The following CNTNAP2 variants were observed in gnomAD, a reference collection of about 807,000 sequenced individuals.
The protein encoded by CNTNAP2 is contactin associated protein 2, also known as contactin-associated protein-like 2.
A neutral mutation model predicts 155.2 loss-of-function variants in CNTNAP2; 98 were observed. The observed-to-expected ratio is 0.63, with a 90% CI of 0.54 to 0.75. The LOEUF (loss-of-function observed/expected upper bound fraction) is 0.75. Among genes scored for constraint, CNTNAP2 ranks in the 30% least tolerant of loss-of-function variants. The probability of loss-of-function intolerance (pLI) is 0.00; values close to 1 mark genes in which losing one functional copy is unlikely to be tolerated. For missense variants in CNTNAP2, 1,727 were observed against 1,688.1 expected, an observed-to-expected ratio of 1.02 and a Z score of -0.40; for synonymous variants, 651 against 631.2, an observed-to-expected ratio of 1.03 and a Z score of -0.47.
chr7:147,797,176 C>G (rs1797910683), intron 13 of CNTNAP2, among the ~76,000 whole-genome samples: 1 of 152,110 alleles, frequency 6.6e-6, no homozygotes, highest in Non-Finnish European at 1.5e-5. Flanking sequence ...GAGGGAACAT[C>G]AGTGTCCCCC....
At chr7:147,454,490 C>A (rs11972784) in intron 10 of CNTNAP2, among the ~76,000 whole-genome samples, 17 of 151,998 alleles carry the variant, frequency 1.1e-4, no homozygotes, top group Admixed American at 9.2e-4. Flanking sequence ...TTATATTTGA[C>A]CAAAATCACA....
In CNTNAP2 at chr7:147,292,959, G is replaced by A. The variant is rs536908988; in HGVS notation, c.1349-7182G>A. Among the ~76,000 whole-genome samples the A allele has an allele frequency of 5.9e-5, 9 of 152,130 alleles. No homozygotes were observed. The South Asian group carries it at 1.7e-3, about 28-fold the overall frequency. On this transcript the variant is annotated intron_variant, in intron 8 of 23. Transcript: ENST00000361727. ...AATTTTGTATTTTTAGTAGAGACGG[G>A]GTTTCACCATGTTGGTCAGGCTGGT... is the stretch of plus-strand genomic sequence containing the variant.
chr7:148,080,546 A>G (rs959803938), intron 15 of CNTNAP2, among the ~76,000 whole-genome samples: 17 of 150,224 alleles, frequency 1.1e-4, no homozygotes, highest in Non-Finnish European at 1.6e-4. Context: ...CAGAGCTTGC[A>G]GCGAGCCGAG....
intron 2 of CNTNAP2, among the ~76,000 whole-genome samples, chr7:146,823,326 C>A (rs1224218905): frequency 1.8e-3 from 270 of 147,380 alleles, no homozygotes; most frequent in East Asian, 0.011. Context: ...TATACTCATT[C>A]TTCAGTATAT....
chr7:147,671,117 G>C (rs1379268631), intron 13 of CNTNAP2, among the ~76,000 whole-genome samples: 2 of 152,212 alleles, frequency 1.3e-5, no homozygotes, highest in African/African-American at 4.8e-5. Flanking sequence ...CGAGTGAGTG[G>C]AGCTGGCTCC....
At chr7:147,825,774 GGA>G (rs976788184) in intron 13 of CNTNAP2, among the ~76,000 whole-genome samples, 16 of 152,258 alleles carry the variant, frequency 1.1e-4, no homozygotes, top group African/African-American at 3.8e-4. Flanking sequence ...AACAAAGAGT[GGA>G]GAGAGAGAAG....
At chr7:147,978,157 TC>T in intron 15 of CNTNAP2, 168 bp downstream of exon 15, 1 of 909,606 alleles carries the variant, frequency 1.1e-6, no homozygotes, top group Non-Finnish European at 1.7e-6. Context: ...CCATAAAGCC[TC>T]CAGTACAGGA....
intron 8 of CNTNAP2, among the ~76,000 whole-genome samples, chr7:147,235,184 T>C (rs1803770446): frequency 6.6e-6 from 1 of 152,032 alleles, no homozygotes; most frequent in Admixed American, 6.6e-5. Context: ...ACTTAGACAT[T>C]GTTTTTTTTT....
At position 146,788,671 on chromosome 7, in the gene CNTNAP2, GT is replaced by G. The variant is rs796501136; in HGVS notation, c.208+14299del. On this transcript the variant is annotated intron_variant, in intron 2 of 23. Coordinates refer to ENST00000361727, the MANE Select transcript of CNTNAP2 (RefSeq NM_014141.6). Reference sequence around the variant, plus strand: ...ATAAGCACTTCTCATTGGTCTTCAGGTTTTTTTTTAATTAGATAGATCAGTC... The same window carrying G: ...ATAAGCACTTCTCATTGGTCTTCAGGTTTTTTTTAATTAGATAGATCAGTC... Among the ~76,000 whole-genome samples, 444 of 151,364 alleles carry G rather than the reference GT, an allele frequency of 2.9e-3. 5 individuals carry two copies. The highest frequency in any genetic ancestry group is 9.9e-3 in the African/African-American group (408 of 41,258).
intron 3 of CNTNAP2, among the ~76,000 whole-genome samples, chr7:147,040,407 G>A (rs1799237105): frequency 6.6e-6 from 1 of 151,702 alleles, no homozygotes; most frequent in South Asian, 2.1e-4. Context: ...CCTGGTGGTA[G>A]GGAGTAGTGT....
At chr7:147,086,044 A>G (rs958781752) in intron 4 of CNTNAP2, among the ~76,000 whole-genome samples, 2 of 152,252 alleles carry the variant, frequency 1.3e-5, no homozygotes, top group African/African-American at 4.8e-5. Context: ...GCATGTCACC[A>G]AAAGCAGTTT....
intron 11 of CNTNAP2, among the ~76,000 whole-genome samples, chr7:147,560,142 T>TG (rs1246522925): frequency 1.0e-5 from 1 of 98,512 alleles, no homozygotes; most frequent in Non-Finnish European, 1.9e-5. Context: ...CATTCCAGCC[T>TG]GGGCAACAAG....
intron 12 of CNTNAP2, among the ~76,000 whole-genome samples, chr7:147,600,817 C>T (rs1800929534): frequency 1.3e-5 from 2 of 152,082 alleles, no homozygotes; most frequent in Admixed American, 6.6e-5. Flanking sequence ...ATTCACTACC[C>T]CTAAACTATA....
intron 1 of CNTNAP2, among the ~76,000 whole-genome samples, chr7:146,607,474 A>T (rs1049972964): frequency 6.6e-6 from 1 of 151,770 alleles, no homozygotes; most frequent in Non-Finnish European, 1.5e-5. Context: ...TTTAAAATTT[A>T]TGTTTTTATT....
intron 3 of CNTNAP2, among the ~76,000 whole-genome samples, chr7:146,921,574 G>GTCA (rs1796498531): frequency 6.6e-6 from 1 of 152,130 alleles, no homozygotes. Context: ...GAGGAGCAGA[G>GTCA]TCACGTTTTA....
At chr7:147,055,081 C>T (rs1290509155) in intron 4 of CNTNAP2, among the ~76,000 whole-genome samples, 4 of 152,220 alleles carry the variant, frequency 2.6e-5, no homozygotes, top group South Asian at 2.1e-4. Context: ...GCATTCAACC[C>T]GTACCAATCA....
chr7:146,489,861 C>A (rs1320457744), intron 1 of CNTNAP2, among the ~76,000 whole-genome samples: 1 of 151,842 alleles, frequency 6.6e-6, no homozygotes, highest in Admixed American at 6.6e-5. Context: ...TCTATGGGCT[C>A]AGAATAGGGG....
At chr7:147,369,057 C>T (rs1438218134) in intron 9 of CNTNAP2, among the ~76,000 whole-genome samples, 1 of 152,144 alleles carries the variant, frequency 6.6e-6, no homozygotes, top group African/African-American at 2.4e-5. Flanking sequence ...GACTTTTGGA[C>T]TATGGTCTAT....
At chr7:146,192,151 G>A (rs1396118423) in intron 1 of CNTNAP2, among the ~76,000 whole-genome samples, 1 of 152,056 alleles carries the variant, frequency 6.6e-6, no homozygotes, top group African/African-American at 2.4e-5. Flanking sequence ...TTCTGCCATC[G>A]CTTCAGCCGG....
Sources: allele counts gnomAD v4.1 joint callset (sites outside exome capture counted in the v4.1 genomes callset), GRCh38; gene constraint gnomAD v4.1.1; transcripts MANE v1.5; gene names NCBI Gene and HGNC (gene_info 2026-07-23, HGNC 2026-07-21).